The following ARSK variants were observed in gnomAD, a reference collection of about 807,000 sequenced individuals.
ARSK encodes the protein arylsulfatase K.
ARSK carries 37 observed loss-of-function variants against 53.2 expected under a neutral mutation model. The observed-to-expected ratio is 0.70, with a 90% CI of 0.54 to 0.92. ARSK has a LOEUF of 0.92. Ranked by LOEUF, ARSK falls within the 40% of genes least tolerant of loss-of-function variation. ARSK has a pLI of 0.00. For synonymous variants in ARSK, 208 were observed against 223.2 expected, an observed-to-expected ratio of 0.93 and a Z score of 0.61; for missense variants, 613 against 643.0, an observed-to-expected ratio of 0.95 and a Z score of 0.51.
chr5:95,570,366 G>A (rs1182089093), intron 3 of ARSK, among the ~76,000 whole-genome samples: 1 of 152,102 alleles, frequency 6.6e-6, no homozygotes, highest in Admixed American at 6.5e-5. Context: ...GCAAAATCTT[G>A]TTCCCCTACT....
chr5:95,560,402 GAAC>G (rs1561359530), intron 1 of ARSK, among the ~76,000 whole-genome samples: 1 of 150,732 alleles, frequency 6.6e-6, no homozygotes, highest in East Asian at 1.9e-4. Flanking sequence ...GAAATAAAAA[GAAC>G]AAAGTTGAAA....
chr5:95,567,398 G>A (rs185873540), intron 2 of ARSK, among the ~76,000 whole-genome samples: 5 of 152,264 alleles, frequency 3.3e-5, no homozygotes, highest in Non-Finnish European at 7.4e-5. Flanking sequence ...GAAAAAAAGT[G>A]TTTATTGAAT....
Position 95,591,916 on chromosome 5 carries a change from T to C in ARSK, c.1096+291T>C, listed in dbSNP as rs148511862. Among the ~76,000 whole-genome samples, 307 of 152,350 alleles carry C rather than the reference T, an allele frequency of 2.0e-3. 2 individuals are homozygous for C. Among genetic ancestry groups the C allele is most frequent in the African/African-American group, 7.1e-3 (297 of 41,596 alleles). ...ATATTCGGGTTCATAACCTTATAGA[T>C]ATGATTTGTACATCATTTGATTGTC... On this transcript the variant is annotated intron_variant, in intron 6 of 7. Coordinates refer to ENST00000380009, the MANE Select transcript of ARSK (RefSeq NM_198150.3).
intron 1 of ARSK, among the ~76,000 whole-genome samples, chr5:95,559,361 A>G (rs182055808): frequency 6.2e-4 from 94 of 152,298 alleles, no homozygotes; most frequent in Middle Eastern, 3.4e-3. Flanking sequence ...ACAGAACTTG[A>G]CTTTTCCTAT....
intron 1 of ARSK, among the ~76,000 whole-genome samples, chr5:95,560,074 C>T (rs1469818677): frequency 6.6e-6 from 1 of 152,028 alleles, no homozygotes; most frequent in Non-Finnish European, 1.5e-5. Context: ...AAAACAGTTC[C>T]ATTTAAAGTA....
Position 95,564,480 on chromosome 5 carries a change from G to A in ARSK, c.127-1518G>A, listed in dbSNP as rs142401491. 9.2e-5 allele frequency among the ~76,000 whole-genome samples: 14 copies of A among 152,154 alleles called. 1 individual carries two copies. The highest frequency in any genetic ancestry group is 4.1e-4 in the South Asian group (2 of 4,820). ...CACACCATTCTCTAACATCCCTCCC[G>A]TTTTTCTGTTTTGCTTTGCAAAATA... On this transcript the variant is annotated intron_variant, in intron 1 of 7. Transcript: ENST00000380009.
At chr5:95,591,296 A>T in intron 5 of ARSK, 105 bp from the exon 6 acceptor site, 1 of 927,586 alleles carries the variant, frequency 1.1e-6, no homozygotes, top group South Asian at 1.6e-5. Flanking sequence ...GATGTTAAGA[A>T]GCATAGTGAC....
Position 95,566,123 on chromosome 5 carries a change from C to G in ARSK, c.252C>G (p.Arg84=), listed in dbSNP as rs766790528. Residue 84 remains arginine (R), a synonymous_variant, in exon 2 of 8, where the codon CGC becomes CGG. Transcript: ENST00000380009. ...ACTCTCCAATTTGTTGCCCATCACG[C>G]GCAGGTATGAACATCCTTAATATGA... ...YTNSPICCPS[R]AAMWSGLFTH... The G allele has an allele frequency of 1.1e-5, 18 of 1,612,924 alleles. No homozygotes were observed. Among genetic ancestry groups the G allele is most frequent in the Non-Finnish European group, 1.5e-5 (18 of 1,179,716 alleles).
Position 95,566,106 on chromosome 5 carries a change from A to G in ARSK, c.235A>G (p.Ile79Val), listed in dbSNP as rs1330248482. 1.2e-6 allele frequency: 2 copies of G among 1,613,430 alleles called. No individual in the cohort carries two copies. Among genetic ancestry groups the G allele is most frequent in the African/African-American group, 1.3e-5 (1 of 74,898 alleles). Residue 79 changes from isoleucine to valine, a missense_variant, in exon 2 of 8, where the codon ATT becomes GTT. Transcript: ENST00000380009. ...TCTGAATGCCTACACAAACTCTCCA[A>G]TTTGTTGCCCATCACGCGCAGGTAT... ...SFLNAYTNSP[I>V]CCPSRAAMWS...
chr5:95,580,956 T>G, intron 3 of ARSK: 2 of 1,280,738 alleles, frequency 1.6e-6, no homozygotes, highest in South Asian at 2.5e-5. Context: ...AAAATACCTT[T>G]TGCCTTTAAC....
In ARSK at chr5:95,603,467, A is replaced by C; in HGVS notation, c.1552A>C (p.Lys518Gln). The part of the protein sequence containing the change: ...WHQDWQKEPR[K>Q]YENAIDQWLK... ...CCAAGACTGGCAGAAGGAACCAAGG[A>C]AGTATGAAAATGCAATTGATCAGTG... The change falls in exon 8 of 8, where the codon AAG becomes CAG. Residue 518 changes from lysine to glutamine, a missense_variant. By Grantham distance (53) the Lys-to-Gln change is moderately conservative (BLOSUM62 1). Coordinates refer to ENST00000380009, the MANE Select transcript of ARSK (RefSeq NM_198150.3). 6.2e-7 allele frequency: 1 copy of C among 1,613,128 alleles called. No individual in the cohort carries two copies. Among genetic ancestry groups the C allele is most frequent in the Non-Finnish European group, 8.5e-7 (1 of 1,179,746 alleles).
In ARSK at chr5:95,596,851, A is replaced by T. The variant is rs116084550; in HGVS notation, c.1097-3996A>T. On this transcript the variant is annotated intron_variant, in intron 6 of 7. Transcript: ENST00000380009. Reference sequence around the variant, plus strand: ...GTCATTTTTTAAAAGGTATTTTAAAAGAGTGGTTTTTTTAAAGAAAATATT... The same window carrying T: ...GTCATTTTTTAAAAGGTATTTTAAATGAGTGGTTTTTTTAAAGAAAATATT... Among the ~76,000 whole-genome samples, 901 of 152,228 alleles carry T rather than the reference A, an allele frequency of 5.9e-3. 17 individuals carry two copies. Among genetic ancestry groups the T allele is most frequent in the African/African-American group, 0.02 (849 of 41,564 alleles).
intron 1 of ARSK, among the ~76,000 whole-genome samples, chr5:95,560,111 A>G (rs1748602497): frequency 6.6e-6 from 1 of 152,256 alleles, no homozygotes; most frequent in Non-Finnish European, 1.5e-5. Context: ...AATACTTAAA[A>G]TAAATCTAAT....
At chr5:95,593,725 C>T (rs1749255071) in intron 6 of ARSK, among the ~76,000 whole-genome samples, 2 of 152,144 alleles carry the variant, frequency 1.3e-5, no homozygotes, top group African/African-American at 2.4e-5. Flanking sequence ...AAGAATTTCT[C>T]TAGCTAAGAA....
intron 6 of ARSK, among the ~76,000 whole-genome samples, chr5:95,593,834 TA>T (rs1749257513): frequency 6.6e-6 from 1 of 152,152 alleles, no homozygotes; most frequent in Non-Finnish European, 1.5e-5. Context: ...ATTTGTCAAT[TA>T]TTATAATTCT....
chr5:95,558,906 C>A (rs567343700), intron 1 of ARSK, among the ~76,000 whole-genome samples: 3 of 152,128 alleles, frequency 2.0e-5, no homozygotes, highest in Non-Finnish European at 4.4e-5. Flanking sequence ...TTTGGGAGAC[C>A]GAGGTGGGTG....
chr5:95,568,720 C>T (rs1437399224), intron 3 of ARSK, among the ~76,000 whole-genome samples: 12 of 152,192 alleles, frequency 7.9e-5, no homozygotes, highest in Non-Finnish European at 1.8e-4. Flanking sequence ...TGTCTGGCAT[C>T]TAGGAACTTG....
intron 1 of ARSK, among the ~76,000 whole-genome samples, chr5:95,564,570 C>T (rs1427781876): frequency 1.3e-5 from 2 of 152,158 alleles, no homozygotes; most frequent in Admixed American, 6.5e-5. Flanking sequence ...CATTCCTTCC[C>T]CTTTCCAGTT....
At chr5:95,593,459 G>A (rs1483460927) in intron 6 of ARSK, among the ~76,000 whole-genome samples, 1 of 151,986 alleles carries the variant, frequency 6.6e-6, no homozygotes, top group Admixed American at 6.6e-5. Flanking sequence ...AAAATGCATG[G>A]TTTAAATCAT....
Sources: allele counts gnomAD v4.1 joint callset (sites outside exome capture counted in the v4.1 genomes callset), GRCh38; gene constraint gnomAD v4.1.1; transcripts MANE v1.5; gene names NCBI Gene and HGNC (gene_info 2026-07-23, HGNC 2026-07-21).